Variants in PRKX observed in about 807,000 individuals in gnomAD.
PRKX encodes cAMP-dependent protein kinase catalytic subunit PRKX.
In PRKX, 12 loss-of-function variants were observed where a neutral mutation model predicts 22.0. The observed-to-expected ratio is 0.54, with a 90% CI of 0.35 to 0.88. The LOEUF is 0.88. Among genes scored for constraint, PRKX ranks in the 40% least tolerant of loss-of-function variants. PRKX has a pLI of 0.01. For missense variants in PRKX, 217 were observed against 308.0 expected (o/e 0.70, Z 2.21); for synonymous variants, 134 against 137.7 (o/e 0.97, Z 0.19).
intron 1 of PRKX, among the ~76,000 whole-genome samples, chrX:3,692,397 C>A (rs6641855): frequency 0.16 from 18,039 of 110,236 alleles, 1,296 homozygotes; most frequent in East Asian, 0.37. Flanking sequence ...TGTTTTGGAG[C>A]AAGCACTGCC....
chrX:3,658,809 G>A (rs920852060), intron 2 of PRKX, among the ~76,000 whole-genome samples: 1 of 110,941 alleles, frequency 9.0e-6, no homozygotes, highest in African/African-American at 3.3e-5. Context: ...GGTATACAAA[G>A]AAAACAAAAT....
At chrX:3,622,923 C>T (rs1926586384) in intron 5 of PRKX, among the ~76,000 whole-genome samples, 1 of 112,076 alleles carries the variant, frequency 8.9e-6, no homozygotes, top group African/African-American at 3.2e-5. Flanking sequence ...TGATTTACAC[C>T]ACTGCCTGCC....
At chrX:3,648,633 T>TGTGTGCGC (rs1555894778) in intron 3 of PRKX, among the ~76,000 whole-genome samples, 15 of 105,500 alleles carry the variant, frequency 1.4e-4, no homozygotes, top group African/African-American at 5.2e-4. Context: ...TGTGTGTGTG[T>TGTGTGCGC]GTGTGTGTGT....
intron 1 of PRKX, among the ~76,000 whole-genome samples, chrX:3,690,716 G>A (rs62575677): frequency 0.16 from 17,840 of 111,301 alleles, 1,280 homozygotes; most frequent in East Asian, 0.37. Flanking sequence ...AGGTGACAGA[G>A]CGAGACCCTG....
intron 1 of PRKX, among the ~76,000 whole-genome samples, chrX:3,707,521 G>T (rs181979592): frequency 3.6e-5 from 4 of 111,271 alleles, no homozygotes; most frequent in African/African-American, 1.3e-4. Flanking sequence ...TGCCAGCAGC[G>T]GAGGCAGGCA....
At chrX:3,711,610 C>G (rs1928790902) in intron 1 of PRKX, among the ~76,000 whole-genome samples, 1 of 111,935 alleles carries the variant, frequency 8.9e-6, no homozygotes, top group Admixed American at 9.5e-5. Context: ...TTTCCATTGT[C>G]GAGTTGTATT....
At chrX:3,693,939 C>CA (rs1230845031) in intron 1 of PRKX, among the ~76,000 whole-genome samples, 1,162 of 32,742 alleles carry the variant, frequency 0.035, 34 homozygotes, top group African/African-American at 0.067. Flanking sequence ...GACTCCGTCT[C>CA]AAAAAAAAAA....
intron 1 of PRKX, among the ~76,000 whole-genome samples, chrX:3,689,694 T>A (rs985394672): frequency 9.1e-6 from 1 of 110,253 alleles, no homozygotes; most frequent in Non-Finnish European, 1.9e-5. Context: ...AATGAATGAA[T>A]GGGCTGGGCG....
chrX:3,640,357 C>T lies in PRKX; in HGVS notation c.719+1495G>A, dbSNP rs763942941. On this transcript the variant is annotated intron_variant, in intron 4 of 8. Coordinates refer to ENST00000262848, the MANE Select transcript of PRKX (RefSeq NM_005044.5). ...ACATGGTGCAACAGTTCCTCTGACACGTAGCTCACTCCTTCCTACAGGTTC... is the reference window on the plus strand; with the variant it reads ...ACATGGTGCAACAGTTCCTCTGACATGTAGCTCACTCCTTCCTACAGGTTC... 2.7e-5 allele frequency among the ~76,000 whole-genome samples: 3 copies of T among 111,371 alleles called. No homozygotes were observed. In the East Asian group the frequency reaches 8.6e-4, roughly 32 times the overall value.
At chrX:3,668,242 A>G (rs760296614) in intron 2 of PRKX, 19 of 111,770 alleles carry the variant, frequency 1.7e-4, no homozygotes, top group Admixed American at 4.8e-4. Context: ...CTAAACATGC[A>G]ATGTATCATT....
chrX:3,689,073 G>GATCT (rs1928242703), intron 1 of PRKX, among the ~76,000 whole-genome samples: 1 of 112,110 alleles, frequency 8.9e-6, no homozygotes, highest in Non-Finnish European at 1.9e-5. Flanking sequence ...TATGACTATA[G>GATCT]AAATAGTTCA....
chrX:3,678,469 C>T (rs751183506), intron 1 of PRKX, among the ~76,000 whole-genome samples: 1 of 112,195 alleles, frequency 8.9e-6, no homozygotes, highest in Admixed American at 9.5e-5. Context: ...TTAAGAACAA[C>T]AGCTATGACT....
At chrX:3,700,253 A>G (rs1033468936) in intron 1 of PRKX, among the ~76,000 whole-genome samples, 30 of 112,242 alleles carry the variant, frequency 2.7e-4, no homozygotes, top group African/African-American at 9.4e-4. Context: ...AATTCCAGAA[A>G]CCTAAAACGA....
At chrX:3,691,562 T>C (rs1928326551) in intron 1 of PRKX, among the ~76,000 whole-genome samples, 1 of 110,499 alleles carries the variant, frequency 9.0e-6, no homozygotes, top group African/African-American at 3.3e-5. Context: ...CGAATTACCC[T>C]TGAGATCAGC....
At chrX:3,656,442 A>G (rs1488413107) in intron 2 of PRKX, among the ~76,000 whole-genome samples, 1 of 111,807 alleles carries the variant, frequency 8.9e-6, no homozygotes, top group Non-Finnish European at 1.9e-5. Flanking sequence ...ATGGGTATAG[A>G]CGTGTAGACC....
chrX:3,698,219 C>G (rs935061757), intron 1 of PRKX, among the ~76,000 whole-genome samples: 5 of 112,024 alleles, frequency 4.5e-5, no homozygotes, highest in African/African-American at 1.6e-4. Context: ...TGTACAACTA[C>G]GGATCTTGTA....
Position 3,705,934 on chromosome X carries a change from C to T in PRKX, c.166+7154G>A, listed in dbSNP as rs780589422. 4.6e-4 allele frequency among the ~76,000 whole-genome samples: 50 copies of T among 107,601 alleles called. 1 individual carries two copies. Among genetic ancestry groups the T allele is most frequent in the African/African-American group, 1.7e-3 (49 of 29,474 alleles). 93.4% of individuals were successfully genotyped at this position (107,601 alleles called of 115,157 possible). On this transcript the variant is annotated intron_variant, in intron 1 of 8. Coordinates refer to ENST00000262848, the MANE Select transcript of PRKX (RefSeq NM_005044.5). ...CTCGATCTCCTGACACTTCATGACC[C>T]GCCTGCCTCAGCCTCCCAAAGTGCT...
chrX:3,661,520 C>T (rs1927594877), intron 2 of PRKX, among the ~76,000 whole-genome samples: 1 of 109,270 alleles, frequency 9.2e-6, no homozygotes, highest in South Asian at 4.0e-4. Context: ...GGCAGCAGGA[C>T]AGCCTGAGCC....
chrX:3,695,767 T>C (rs1256459016), intron 1 of PRKX, among the ~76,000 whole-genome samples: 2 of 111,501 alleles, frequency 1.8e-5, no homozygotes, highest in African/African-American at 6.5e-5. Context: ...ATGTCTTTAC[T>C]TCCATTAAGC....
Sources: allele counts gnomAD v4.1 joint callset (sites outside exome capture counted in the v4.1 genomes callset), GRCh38; gene constraint gnomAD v4.1.1; transcripts MANE v1.5; gene names NCBI Gene and HGNC (gene_info 2026-07-23, HGNC 2026-07-21).